Variants in HUWE1 observed in about 807,000 individuals in gnomAD.
HUWE1 encodes the protein HECT, UBA and WWE domain containing E3 ubiquitin protein ligase 1.
In HUWE1, 18 loss-of-function variants were observed where a neutral mutation model predicts 299.4. The ratio of observed to expected loss-of-function variants is 0.06; its 90% confidence interval spans 0.04 to 0.09. The LOEUF is 0.09. Among genes scored for constraint, HUWE1 ranks in the 10% least tolerant of loss-of-function variants. HUWE1 has a pLI of 1.00. For missense variants in HUWE1, 1,832 were observed against 3,462.3 expected (o/e 0.53, Z 11.82); for synonymous variants, 1,317 against 1,286.1 (o/e 1.02, Z -0.51).
rs782435043 is a variant in HUWE1, at chrX:53,585,186, G to A, written c.4827C>T (p.Tyr1609=). 38 of 1,209,530 alleles carry A rather than the reference G, an allele frequency of 3.1e-5. No homozygotes were observed. The highest frequency in any genetic ancestry group is 3.0e-4 in the African/African-American group (17 of 57,415). Reference sequence around the variant, plus strand: ...GCCAGTTGTTGCTGTTGGATTGCAGGTACTAAACATAAAAGTACAAAGTTT... The same window carrying A: ...GCCAGTTGTTGCTGTTGGATTGCAGATACTAAACATAAAAGTACAAAGTTT... ...SSKRRAQMTK[Y]LQSNSNNWRW... Residue 1609 remains tyrosine (Y), a splice_region_variant and synonymous_variant, in exon 40 of 84, where the codon TAC becomes TAT. Coordinates refer to ENST00000262854, the MANE Select transcript of HUWE1 (RefSeq NM_031407.7).
rs1406340851 is a variant in HUWE1 at position 53,595,140 on chromosome X, T to C, written c.3380+47A>G. 4 of 1,076,261 alleles carry C rather than the reference T, an allele frequency of 3.7e-6. No individual in the cohort carries two copies. In the Admixed American group the frequency reaches 8.7e-5, roughly 24 times the overall value. 88.7% of individuals were successfully genotyped at this position (1,076,261 alleles called of 1,213,427 possible). A position where few individuals can be genotyped will look rare whatever the true frequency, so the allele number is the denominator to read the frequency against. ...AAGTAGTATAGGAACAACTTACATA[T>C]TTTTTATTGTAACTTTCTAGTCCCT... is the stretch of plus-strand genomic sequence containing the variant. On this transcript the variant is annotated intron_variant, in intron 30 of 83. Transcript: ENST00000262854.
chrX:53,559,065 A>C lies in HUWE1; in HGVS notation c.7916-5T>G. The C allele has an allele frequency of 8.7e-7, 1 of 1,148,370 alleles. No homozygotes were observed. The highest frequency in any genetic ancestry group is 1.2e-6 in the Non-Finnish European group (1 of 854,745). 94.6% of individuals were successfully genotyped at this position (1,148,370 alleles called of 1,213,427 possible). A position where few individuals can be genotyped will look rare whatever the true frequency, so the allele number is the denominator to read the frequency against. ...TGGGGATGCTGGACAGGGTTCCTGTAGGGACAGCAAAGGGGAATGAGATTC... is the reference window on the plus strand; with the variant it reads ...TGGGGATGCTGGACAGGGTTCCTGTCGGGACAGCAAAGGGGAATGAGATTC... On this transcript the variant is annotated splice_region_variant and splice_polypyrimidine_tract_variant and intron_variant, in intron 57 of 83. Coordinates refer to ENST00000262854, the MANE Select transcript of HUWE1 (RefSeq NM_031407.7).
At chrX:53,547,462 GAA>G (rs1460171607) in intron 68 of HUWE1, among the ~76,000 whole-genome samples, 3 of 111,730 alleles carry the variant, frequency 2.7e-5, no homozygotes, top group African/African-American at 6.5e-5. Flanking sequence ...GGGAGAGAGA[GAA>G]AGAGAGAGAC....
chrX:53,538,908 G>A lies in HUWE1; in HGVS notation c.11805C>T (p.Phe3935=). ...PATPSSLDPF[F]SREPSSMHIS... is the part of the protein sequence containing the mutation. The stretch of plus-strand genomic sequence containing the variant: ...TGTGCATAGATGAGGGCTCCCGGGA[G>A]AAGAATGGGTCAAGGGAGGAAGGCG... Residue 3935 remains phenylalanine, a synonymous_variant, in exon 76 of 84, where the codon TTC becomes TTT. Coordinates refer to ENST00000262854, the MANE Select transcript of HUWE1 (RefSeq NM_031407.7). 8.3e-7 allele frequency: 1 copy of A among 1,207,590 alleles called. No individual in the cohort carries two copies. Among genetic ancestry groups the A allele is most frequent in the Non-Finnish European group, 1.1e-6 (1 of 893,015 alleles).
At chrX:53,534,748 G>C (rs782374944) in intron 81 of HUWE1, 51 bp from the exon 82 acceptor site, 5 of 1,087,626 alleles carry the variant, frequency 4.6e-6, no homozygotes, top group Middle Eastern at 2.7e-4. Flanking sequence ...CACAACCGTA[G>C]AGGTCAGAGA....
chrX:53,591,543 G>A (rs1438231102), intron 33 of HUWE1, among the ~76,000 whole-genome samples: 3 of 111,951 alleles, frequency 2.7e-5, no homozygotes, highest in Non-Finnish European at 5.6e-5. Context: ...TGTATGTAAG[G>A]ATTGGTACGT....
At chrX:53,600,896 GA>G (rs1556989846) in intron 28 of HUWE1, among the ~76,000 whole-genome samples, 1 of 111,259 alleles carries the variant, frequency 9.0e-6, no homozygotes. Flanking sequence ...TAAATTGCTA[GA>G]AAAAATATAT....
At position 53,575,179 on chromosome X, in the gene HUWE1, C is replaced by T. The variant is rs782688724; in HGVS notation, c.6073G>A (p.Ala2025Thr). The change falls in exon 46 of 84, where the codon GCA (alanine) becomes ACA (threonine). Residue 2025 changes from alanine (A) to threonine (T), a missense_variant. By Grantham distance (58) the Ala-to-Thr change is moderately conservative. This residue lies in a region of HUWE1 where 157 missense variants were observed against 252.3 expected (regional missense o/e 0.62). Coordinates refer to ENST00000262854, the MANE Select transcript of HUWE1 (RefSeq NM_031407.7). The part of the protein sequence containing the change: ...AADGASTETS[A>T]SGTSQGEAST... ...CCCTCTCCTTGGGAGGTCCCAGATGCGGAAGTCTCAGTGGAGGCACCATCT... is the reference window on the plus strand; with the variant it reads ...CCCTCTCCTTGGGAGGTCCCAGATGTGGAAGTCTCAGTGGAGGCACCATCT... 8.3e-6 allele frequency: 10 copies of T among 1,202,697 alleles called. No homozygotes were observed. The Admixed American group carries it at 1.1e-4, about 13-fold the overall frequency.
At chrX:53,661,533 C>T (rs2069004270) in intron 3 of HUWE1, among the ~76,000 whole-genome samples, 1 of 111,324 alleles carries the variant, frequency 9.0e-6, no homozygotes, top group Admixed American at 9.5e-5. Flanking sequence ...ATGAGTTCTA[C>T]CTCTTAGAAG....
intron 26 of HUWE1, among the ~76,000 whole-genome samples, chrX:53,603,963 T>C (rs947916464): frequency 2.3e-4 from 26 of 112,319 alleles, no homozygotes; most frequent in African/African-American, 7.8e-4. Context: ...TTAAGTAATT[T>C]AATTTTCTAA....
At chrX:53,608,765 G>T in intron 24 of HUWE1, 87 bp downstream of exon 24, 1 of 604,319 alleles carries the variant, frequency 1.7e-6, no homozygotes, top group South Asian at 2.2e-5. Flanking sequence ...AAATGAATAC[G>T]GTAATTACTG....
chrX:53,554,512 CTTA>C (rs2061912717), intron 61 of HUWE1, 118 bp downstream of exon 61: 3 of 718,571 alleles, frequency 4.2e-6, no homozygotes, highest in East Asian at 3.4e-5. Context: ...AAGACGAGAT[CTTA>C]TTATTTGAGA....
intron 3 of HUWE1, among the ~76,000 whole-genome samples, chrX:53,675,863 C>T (rs2069792625): frequency 1.8e-5 from 2 of 111,334 alleles, no homozygotes; most frequent in Non-Finnish European, 3.8e-5. Flanking sequence ...TACAACAGAA[C>T]CTTGAACACC....
chrX:53,565,858 G>A (rs926925128), intron 49 of HUWE1, among the ~76,000 whole-genome samples: 3 of 108,908 alleles, frequency 2.8e-5, no homozygotes, highest in Non-Finnish European at 5.7e-5. Context: ...TCTCGAACTC[G>A]TGAGCTCAGG....
At chrX:53,558,150 T>C (rs782389650) in intron 59 of HUWE1, among the ~76,000 whole-genome samples, 2 of 111,992 alleles carry the variant, frequency 1.8e-5, no homozygotes, top group African/African-American at 3.2e-5. Flanking sequence ...TAAACCAAAA[T>C]TGTATTAGTG....
intron 61 of HUWE1, among the ~76,000 whole-genome samples, chrX:53,553,754 G>A (rs1170632317): frequency 1.8e-5 from 2 of 109,600 alleles, no homozygotes; most frequent in Non-Finnish European, 3.8e-5. Flanking sequence ...AGGTTGCAGT[G>A]AGCCAAGACC....
chrX:53,555,212 G>A (rs1443847762), intron 60 of HUWE1, among the ~76,000 whole-genome samples: 1 of 112,041 alleles, frequency 8.9e-6, no homozygotes, highest in Admixed American at 9.4e-5. Context: ...AGGCCATATA[G>A]GGTGAGGCTA....
At position 53,543,884 on chromosome X, in the gene HUWE1, A is replaced by G; in HGVS notation, c.11336T>C (p.Val3779Ala). 8.3e-7 allele frequency: 1 copy of G among 1,210,579 alleles called. No individual in the cohort carries two copies. Among genetic ancestry groups the G allele is most frequent in the Non-Finnish European group, 1.1e-6 (1 of 894,669 alleles). Residue 3779 changes from valine (V) to alanine (A), a missense_variant, in exon 73 of 84, where the codon GTA becomes GCA. This residue lies in a region of HUWE1 where 41 missense variants were observed against 124.0 expected (regional missense o/e 0.33). Coordinates refer to ENST00000262854, the MANE Select transcript of HUWE1 (RefSeq NM_031407.7). ...EAEADAIIQMVREGQRARRQQ... is the reference protein window; with the variant it reads ...EAEADAIIQMAREGQRARRQQ... ...TCTCCGCGCCCTTTGACCCTCACGT[A>G]CCATTTGTATAATGGCATCAGCCTC...
At chrX:53,657,481 G>C (rs782795127) in intron 3 of HUWE1, among the ~76,000 whole-genome samples, 2 of 111,224 alleles carry the variant, frequency 1.8e-5, no homozygotes, top group Non-Finnish European at 3.8e-5. Flanking sequence ...AGCTGAGATC[G>C]CGCCACTGCA....
Sources: allele counts gnomAD v4.1 joint callset (sites outside exome capture counted in the v4.1 genomes callset), GRCh38; gene constraint gnomAD v4.1.1; regional missense constraint gnomAD v4.1.1; transcripts MANE v1.5; gene names NCBI Gene and HGNC (gene_info 2026-07-23, HGNC 2026-07-21).